The following OGN variants were observed in gnomAD, a reference collection of about 807,000 sequenced individuals.
OGN encodes the protein osteoglycin.
OGN carries 19 observed loss-of-function variants against 30.8 expected under a neutral mutation model. That is an observed-to-expected ratio of 0.62 (90% CI 0.43 to 0.90). OGN has a LOEUF of 0.90. Among genes scored for constraint, OGN ranks in the 40% least tolerant of loss-of-function variants. OGN has a pLI of 0.00. For synonymous variants in OGN, 126 were observed against 128.3 expected, an observed-to-expected ratio of 0.98 and a Z score of 0.12; for missense variants, 283 against 349.7, an observed-to-expected ratio of 0.81 and a Z score of 1.52.
chr9:92,390,583 TGTGTGC>T lies in OGN; in HGVS notation c.428-533_428-528del, dbSNP rs1050700441. Among the ~76,000 whole-genome samples the T allele has an allele frequency of 6.7e-5, 10 of 150,330 alleles. No individual in the cohort carries two copies. The South Asian group carries it at 1.7e-3, about 26-fold the overall frequency. Reference sequence around the variant, plus strand: ...AATTCAGTGTGTGTGTGTGTGTGTGTGTGTGCGCGCGCGCGTACTTGCGTGTGCATC... The same window carrying T: ...AATTCAGTGTGTGTGTGTGTGTGTGTGCGCGCGCGTACTTGCGTGTGCATC... On this transcript the variant is annotated intron_variant, in intron 4 of 6. Coordinates refer to ENST00000375561, the MANE Select transcript of OGN (RefSeq NM_014057.5).
rs189083768 is a variant in OGN at position 92,396,086 on chromosome 9, G to A, written c.269-2842C>T. On this transcript the variant is annotated intron_variant, in intron 3 of 6. Coordinates refer to ENST00000375561, the MANE Select transcript of OGN (RefSeq NM_014057.5). ...TTTTTTGAAAAATTTTCCTACAGTT[G>A]TCTGGTTCTTTCAGCACCGTTTTTT... Among the ~76,000 whole-genome samples the A allele has an allele frequency of 6.1e-3, 933 of 152,182 alleles. 10 individuals carry two copies. Among genetic ancestry groups the A allele is most frequent in the Non-Finnish European group, 9.5e-3 (644 of 67,994 alleles).
Position 92,385,532 on chromosome 9 carries a change from T to C in OGN, c.*88A>G. The C allele has an allele frequency of 8.7e-7, 1 of 1,155,272 alleles. No homozygotes were observed. Among genetic ancestry groups the C allele is most frequent in the Non-Finnish European group, 1.2e-6 (1 of 802,086 alleles). The allele number at this position is 1,155,272 out of a possible 1,614,324, so 71.6% of individuals were successfully genotyped here. On this transcript the variant is annotated 3_prime_UTR_variant, in exon 7 of 7. Coordinates refer to ENST00000375561, the MANE Select transcript of OGN (RefSeq NM_014057.5). Reference sequence around the variant, plus strand: ...TTCAAAATGAGATACAAGGTTAATATTAAACCAATACTTAAGTTCCTTTAC... The same window carrying C: ...TTCAAAATGAGATACAAGGTTAATACTAAACCAATACTTAAGTTCCTTTAC...
intron 3 of OGN, among the ~76,000 whole-genome samples, chr9:92,394,584 A>G (rs931875908): frequency 5.9e-5 from 9 of 151,264 alleles, no homozygotes; most frequent in African/African-American, 2.2e-4. Flanking sequence ...TCAAATAAAC[A>G]TGTCAAATTT....
At chr9:92,403,550 C>G in intron 1 of OGN, 68 bp from the exon 2 acceptor site, 2 of 1,368,462 alleles carry the variant, frequency 1.5e-6, no homozygotes, top group African/African-American at 1.5e-5. Context: ...GCAGGGTGTG[C>G]GCAGTAAGGG....
chr9:92,388,929 T>C (rs1298443372), intron 5 of OGN, among the ~76,000 whole-genome samples: 1 of 152,076 alleles, frequency 6.6e-6, no homozygotes, highest in African/African-American at 2.4e-5. Context: ...TGAGCTCTGA[T>C]GTAACTTTAA....
intron 2 of OGN, among the ~76,000 whole-genome samples, chr9:92,402,518 CTT>C: frequency 6.6e-6 from 1 of 152,222 alleles, no homozygotes; most frequent in South Asian, 2.1e-4. Context: ...GCTGTATTAA[CTT>C]TTTCCTTACC....
At position 92,389,717 on chromosome 9, in the gene OGN, T is replaced by G. The variant is rs939824565; in HGVS notation, c.630+137A>C. On this transcript the variant is annotated intron_variant, in intron 5 of 6. Transcript: ENST00000375561. ...ATGAGCCTAATAGGATGGTTATTTA[T>G]TATGTAAATAATGTCTTCATTTATT... 1.6e-5 allele frequency: 10 copies of G among 608,652 alleles called. No homozygotes were observed. The African/African-American group carries it at 1.9e-4, about 11-fold the overall frequency. The allele number at this position is 608,652 out of a possible 1,614,324, so 37.7% of individuals were successfully genotyped here.
chr9:92,389,813 C>G, intron 5 of OGN, 41 bp downstream of exon 5: 1 of 1,319,882 alleles, frequency 7.6e-7, no homozygotes, highest in African/African-American at 1.5e-5. Flanking sequence ...TCTATCATAT[C>G]ATCACTCATA....
In OGN at chr9:92,403,348, T is replaced by C. The variant is rs1305230835; in HGVS notation, c.60A>G (p.Ala20=). ...LLLLVPLIKP[A]PPTQQDSRII... ...TGCGTGAGTCCTGCTGGGTTGGTGG[T>C]GCTGGCTTTATCAGAGGCACAAGCA... Residue 20 remains alanine, a synonymous_variant, in exon 2 of 7, where the codon GCA becomes GCG. Coordinates refer to ENST00000375561, the MANE Select transcript of OGN (RefSeq NM_014057.5). The C allele has an allele frequency of 1.1e-5, 18 of 1,613,480 alleles. No individual in the cohort carries two copies. The highest frequency in any genetic ancestry group is 2.7e-5 in the African/African-American group (2 of 74,904).
chr9:92,403,210 A>G, intron 2 of OGN, 24 bp downstream of exon 2: 1 of 1,483,764 alleles, frequency 6.7e-7, no homozygotes, highest in Non-Finnish European at 9.2e-7. Context: ...TTTAGAAGCT[A>G]AATTTAGAAT....
intron 3 of OGN, among the ~76,000 whole-genome samples, chr9:92,396,506 T>TTCTC (rs1842896427): frequency 6.6e-6 from 1 of 152,048 alleles, no homozygotes; most frequent in African/African-American, 2.4e-5. Context: ...TATATATAGG[T>TTCTC]CTTCTTTATT....
intron 5 of OGN, among the ~76,000 whole-genome samples, chr9:92,389,147 G>A (rs1322439485): frequency 6.6e-6 from 1 of 152,078 alleles, no homozygotes; most frequent in Non-Finnish European, 1.5e-5. Flanking sequence ...GATTATGTCT[G>A]TTACCAGCAA....
chr9:92,391,406 C>CA (rs1249458327), intron 4 of OGN, among the ~76,000 whole-genome samples: 3 of 151,952 alleles, frequency 2.0e-5, no homozygotes, highest in Admixed American at 1.3e-4. Context: ...GACTCCATCT[C>CA]AAAAAATAAA....
In OGN at chr9:92,404,469, AAAATAATATATG is replaced by A. The variant is rs1564302922; in HGVS notation, c.-76+15_-76+26del. The A allele has an allele frequency of 2.4e-6, 3 of 1,242,358 alleles. No individual in the cohort carries two copies. 77.0% of individuals were successfully genotyped at this position (1,242,358 alleles called of 1,614,324 possible). ...AGTCGCACTTTAACAAACAATATTT[AAAATAATATATG>A]AAAAGTAAGCCTACCGTTGTAGCTG... On this transcript the variant is annotated intron_variant, in intron 1 of 6. Transcript: ENST00000375561.
rs1588085056 is a variant in OGN at position 92,389,755 on chromosome 9, T to C, written c.630+99A>G. ...GTCTTCATTTATTAAATCAAAATAG[T>C]TTTTAAGTGTAATCAAAATACAATT... On this transcript the variant is annotated intron_variant, in intron 5 of 6. Coordinates refer to ENST00000375561, the MANE Select transcript of OGN (RefSeq NM_014057.5). The C allele has an allele frequency of 9.5e-6, 7 of 735,984 alleles. No individual in the cohort carries two copies. The East Asian group carries it at 1.9e-4, about 20-fold the overall frequency. 45.6% of individuals were successfully genotyped at this position (735,984 alleles called of 1,614,324 possible). A position where few individuals can be genotyped will look rare whatever the true frequency, so the allele number is the denominator to read the frequency against.
chr9:92,387,622 C>A (rs1044968177), intron 5 of OGN, among the ~76,000 whole-genome samples: 2 of 152,122 alleles, frequency 1.3e-5, no homozygotes, highest in African/African-American at 4.8e-5. Context: ...TTCTTAAGCA[C>A]CCTACCCTTC....
chr9:92,399,453 T>C (rs755821125), intron 3 of OGN, among the ~76,000 whole-genome samples: 1 of 152,336 alleles, frequency 6.6e-6, no homozygotes, highest in Non-Finnish European at 1.5e-5. Context: ...AGTTATATTA[T>C]CTGTGAGCTC....
chr9:92,401,082 T>C lies in OGN; in HGVS notation c.268+10A>G. The C allele has an allele frequency of 7.9e-7, 1 of 1,266,172 alleles. No homozygotes were observed. The highest frequency in any genetic ancestry group is 1.1e-6 in the Non-Finnish European group (1 of 874,512). 78.4% of individuals were successfully genotyped at this position (1,266,172 alleles called of 1,614,324 possible). ...AAGATCCATTTGAAAAATATTTAGA[T>C]GATACTTACCATCATTTTCTTTCTT... On this transcript the variant is annotated intron_variant, in intron 3 of 6. Transcript: ENST00000375561.
intron 4 of OGN, among the ~76,000 whole-genome samples, chr9:92,392,601 C>T (rs957380661): frequency 6.7e-6 from 1 of 149,420 alleles, no homozygotes; most frequent in South Asian, 2.1e-4. Flanking sequence ...GGCAACAGAG[C>T]AAGACTCCAT....
Sources: gnomAD v4.1 joint callset for allele counts (sites outside exome capture counted in the v4.1 genomes callset) on GRCh38, gnomAD v4.1.1 for gene constraint, MANE v1.5 for transcripts, NCBI Gene and HGNC (gene_info 2026-07-23, HGNC 2026-07-21) for gene names.